Variants in MGAT1 observed in about 807,000 individuals in gnomAD.
MGAT1 encodes N-glycosyl-oligosaccharide-glycoprotein N-acetylglucosaminyltransferase I.
In MGAT1, 14 loss-of-function variants were observed where a neutral mutation model predicts 31.7. The ratio of observed to expected loss-of-function variants is 0.44; its 90% confidence interval spans 0.29 to 0.69. The LOEUF (loss-of-function observed/expected upper bound fraction) is 0.69. Ranked by LOEUF, MGAT1 falls within the 30% of genes least tolerant of loss-of-function variation. MGAT1 has a pLI of 0.12. For synonymous variants in MGAT1, 338 were observed against 276.0 expected (o/e 1.22, Z -2.23); for missense variants, 557 against 626.0 (o/e 0.89, Z 1.18).
chr5:180,791,742 C>T lies in MGAT1; in HGVS notation c.1230G>A (p.Gly410=). 1.2e-6 allele frequency: 2 copies of T among 1,613,380 alleles called. No individual in the cohort carries two copies. The highest frequency in any genetic ancestry group is 2.2e-5 in the South Asian group (2 of 91,092). ...ALGVMDDLKS[G]VPRAGYRGIV... The stretch of plus-strand genomic sequence containing the variant: ...TACCCCGGTAGCCAGCTCTCGGAAC[C>T]CCCGACTTAAGGTCATCCATGACAC... The change falls in exon 2 of 2, where the codon GGG becomes GGA. Residue 410 remains glycine, a synonymous_variant. Transcript: ENST00000307826.
At chr5:180,812,057 C>G (rs1485983422) in intron 1 of MGAT1, among the ~76,000 whole-genome samples, 1 of 152,248 alleles carries the variant, frequency 6.6e-6, no homozygotes, top group Non-Finnish European at 1.5e-5. Flanking sequence ...ACGCTCACCA[C>G]TTCCTGAAAT....
At position 180,788,261 on chromosome 5, in the gene MGAT1, G is replaced by A. The variant is rs1767713906; in HGVS notation, c.*3373C>T. The A allele has an allele frequency of 6.6e-6, 1 of 152,308 alleles. No individual in the cohort carries two copies. The highest frequency in any genetic ancestry group is 2.1e-4 in the South Asian group (1 of 4,828). 9.4% of individuals were successfully genotyped at this position (152,308 alleles called of 1,614,324 possible). ...CCCCTGAAGGTGCTCCTTGCTTCAG[G>A]AGCCTGAGAACCCAGTCTTTCGTCT... On this transcript the variant is annotated 3_prime_UTR_variant, in exon 2 of 2. Coordinates refer to ENST00000307826, the MANE Select transcript of MGAT1 (RefSeq NM_002406.4).
At chr5:180,800,110 C>T (rs1312276819) in intron 1 of MGAT1, among the ~76,000 whole-genome samples, 1 of 152,152 alleles carries the variant, frequency 6.6e-6, no homozygotes, top group Non-Finnish European at 1.5e-5. Context: ...CCACTAAGTT[C>T]TGGGGTGACT....
chr5:180,802,224 G>C (rs898142425), intron 1 of MGAT1, among the ~76,000 whole-genome samples: 1 of 152,094 alleles, frequency 6.6e-6, no homozygotes, highest in African/African-American at 2.4e-5. Context: ...AGGAAGAAAA[G>C]TTTTCTTGCC....
At chr5:180,804,466 G>A (rs929437657), upstream of MGAT1, among the ~76,000 whole-genome samples, 4 of 152,346 alleles carry the variant, frequency 2.6e-5, no homozygotes, top group Non-Finnish European at 5.9e-5. Context: ...GCCGCCGTGT[G>A]CAGTGTGCGA....
At chr5:180,797,820 A>C (rs1769811515) in intron 1 of MGAT1, among the ~76,000 whole-genome samples, 2 of 152,232 alleles carry the variant, frequency 1.3e-5, no homozygotes, top group African/African-American at 2.4e-5. Flanking sequence ...AGGACATGAC[A>C]CCCCTAGTTC....
chr5:180,814,183 A>G (rs1047507796), intron 1 of MGAT1, among the ~76,000 whole-genome samples: 3 of 152,178 alleles, frequency 2.0e-5, no homozygotes, highest in Admixed American at 6.5e-5. Flanking sequence ...TACCCTGGCG[A>G]GTATTCTTTG....
chr5:180,794,228 A>T (rs1285991369), intron 1 of MGAT1, among the ~76,000 whole-genome samples: 1 of 142,094 alleles, frequency 7.0e-6, no homozygotes. Flanking sequence ...GTAACAATTA[A>T]AAAAAAAAAA....
At chr5:180,800,271 G>GTT (rs1254805900) in intron 1 of MGAT1, among the ~76,000 whole-genome samples, 1 of 152,156 alleles carries the variant, frequency 6.6e-6, no homozygotes, top group Non-Finnish European at 1.5e-5. Context: ...TCCTTAGTAG[G>GTT]TATCTACTCC....
chr5:180,808,256 G>C (rs781633300), intron 2 of MGAT1, among the ~76,000 whole-genome samples: 42 of 152,124 alleles, frequency 2.8e-4, no homozygotes, highest in Non-Finnish European at 5.6e-4. Flanking sequence ...TTTTCAGTTA[G>C]CTCCCCAAAA....
chr5:180,802,219 GA>G (rs1366460934), intron 1 of MGAT1, among the ~76,000 whole-genome samples: 2 of 152,136 alleles, frequency 1.3e-5, no homozygotes, highest in Admixed American at 6.5e-5. Flanking sequence ...CAAACAGGAA[GA>G]AAAGTTTTCT....
In MGAT1 at chr5:180,792,821, T is replaced by C. The variant is rs752582148; in HGVS notation, c.151A>G (p.Thr51Ala). The change falls in exon 2 of 2, where the codon ACC (threonine) becomes GCC (alanine). Residue 51 changes from threonine to alanine, a missense_variant. Physicochemically the swap from Thr to Ala is moderately conservative, Grantham distance 58. Coordinates refer to ENST00000307826, the MANE Select transcript of MGAT1 (RefSeq NM_002406.4). ...SALDGDPASL[T>A]REVIRLAQDA... The stretch of plus-strand genomic sequence containing the variant: ...TGGGCCAGGCGAATCACTTCCCGGG[T>C]GAGGCTGGCGGGGTCGCCATCGAGA... 1 of 1,561,344 alleles carries C rather than the reference T, an allele frequency of 6.4e-7. No homozygotes were observed. Among genetic ancestry groups the C allele is most frequent in the South Asian group, 1.2e-5 (1 of 85,200 alleles).
At chr5:180,802,149 TC>T (rs1770910084) in intron 1 of MGAT1, among the ~76,000 whole-genome samples, 1 of 152,134 alleles carries the variant, frequency 6.6e-6, no homozygotes, top group Admixed American at 6.5e-5. Flanking sequence ...TCCCTCTACT[TC>T]AGAGTTTATC....
In MGAT1 at chr5:180,792,156, C is replaced by T. The variant is rs1360558183; in HGVS notation, c.816G>A (p.Leu272=). The T allele has an allele frequency of 6.2e-7, 1 of 1,613,132 alleles. No individual in the cohort carries two copies. The highest frequency in any genetic ancestry group is 8.5e-7 in the Non-Finnish European group (1 of 1,179,990). Residue 272 remains leucine, a synonymous_variant, in exon 2 of 2, where the codon TTG becomes TTA. Coordinates refer to ENST00000307826, the MANE Select transcript of MGAT1 (RefSeq NM_002406.4). ...DFFPGLGWLL[L]AELWAELEPK... ...GCTCCAGCTCAGCCCAGAGCTCGGC[C>T]AACAGCAGCCAGCCCAGGCCAGGGA...
chr5:180,786,367 C>T lies in MGAT1; in HGVS notation c.*5267G>A, dbSNP rs1767567333. The stretch of plus-strand genomic sequence containing the variant: ...ATGCACTCCCCCCAAAGCTCCCCAT[C>T]ACCCTGCCCTCTCCAAATCCTCGTC... On this transcript the variant is annotated 3_prime_UTR_variant, in exon 2 of 2. Transcript: ENST00000307826. 6.6e-6 allele frequency: 1 copy of T among 152,422 alleles called. No individual in the cohort carries two copies. Among genetic ancestry groups the T allele is most frequent in the African/African-American group, 2.4e-5 (1 of 41,462 alleles). 9.4% of individuals were successfully genotyped at this position (152,422 alleles called of 1,614,324 possible). A position where few individuals can be genotyped will look rare whatever the true frequency, so the allele number is the denominator to read the frequency against.
intron 1 of MGAT1, chr5:180,809,604 C>A (rs1273911471): frequency 2.0e-5 from 3 of 152,016 alleles, no homozygotes; most frequent in African/African-American, 4.8e-5. Flanking sequence ...CCTCTGCTTG[C>A]AAAACTGTGC....
chr5:180,806,241 G>C (rs922466781), upstream of MGAT1, among the ~76,000 whole-genome samples: 3 of 151,896 alleles, frequency 2.0e-5, no homozygotes, highest in Admixed American at 1.3e-4. Flanking sequence ...AGCCGAGATC[G>C]CACCACTGCA....
In MGAT1 at chr5:180,809,257, AAC is replaced by A. The variant is rs1195532213; in HGVS notation, c.-545-193_-545-192del. On this transcript the variant is annotated intron_variant, in intron 1 of 2. Transcript: ENST00000333055. ...ACTTAACTCACGTATCACACGCCAG[AAC>A]ACAGTCACCTCATCAATAGTGTTTA... 1.1e-4 allele frequency: 16 copies of A among 152,308 alleles called. No individual in the cohort carries two copies. In the South Asian group the frequency reaches 1.7e-3, roughly 16 times the overall value. The allele number at this position is 152,308 out of a possible 1,614,324, so 9.4% of individuals were successfully genotyped here.
chr5:180,792,505 C>G lies in MGAT1; in HGVS notation c.467G>C (p.Gly156Ala), dbSNP rs760062114. The stretch of plus-strand genomic sequence containing the variant: ...CTGCCGGATGTGCGTGACCGCGCTG[C>G]CGTAGGAGGCGATGGCCTGGGCCGT... ...EETAQAIASY[G>A]SAVTHIRQPD... is the part of the protein sequence containing the mutation. Residue 156 changes from glycine (G) to alanine (A), a missense_variant, in exon 2 of 2, where the codon GGC (glycine) becomes GCC (alanine). Physicochemically the swap from Gly to Ala is moderately conservative, Grantham distance 60. Transcript: ENST00000307826. 57 of 1,612,886 alleles carry G rather than the reference C, an allele frequency of 3.5e-5. No homozygotes were observed. The highest frequency in any genetic ancestry group is 4.6e-5 in the Non-Finnish European group (54 of 1,179,884).
Sources: allele counts gnomAD v4.1 joint callset (sites outside exome capture counted in the v4.1 genomes callset), GRCh38; gene constraint gnomAD v4.1.1; transcripts MANE v1.5; gene names NCBI Gene and HGNC (gene_info 2026-07-23, HGNC 2026-07-21).